ERBB4: variants seen among roughly 807,000 people sequenced by gnomAD.
ERBB4 encodes receptor tyrosine-protein kinase erbB-4.
Under a neutral mutation model 158.0 loss-of-function variants are expected in ERBB4, and 42 were observed. The observed-to-expected ratio is 0.27, with a 90% CI of 0.21 to 0.34. The LOEUF (loss-of-function observed/expected upper bound fraction) is 0.34. Among genes scored for constraint, ERBB4 ranks in the 10% least tolerant of loss-of-function variants. ERBB4 has a pLI of 1.00. For synonymous variants in ERBB4, 583 were observed against 558.7 expected, an observed-to-expected ratio of 1.04 and a Z score of -0.61; for missense variants, 1,333 against 1,624.1, an observed-to-expected ratio of 0.82 and a Z score of 3.08.
At chr2:211,716,603 G>A (rs758699813) in intron 7 of ERBB4, among the ~76,000 whole-genome samples, 1 of 151,968 alleles carries the variant, frequency 6.6e-6, no homozygotes, top group Non-Finnish European at 1.5e-5. Flanking sequence ...GTGAACCCGG[G>A]AGGCGGAGCT....
At chr2:211,703,681 C>G (rs2106043019) in intron 11 of ERBB4, among the ~76,000 whole-genome samples, 1 of 152,224 alleles carries the variant, frequency 6.6e-6, no homozygotes, top group East Asian at 1.9e-4. Flanking sequence ...GTTCCTAAAA[C>G]ATCAGCCCTG....
At chr2:211,452,544 C>T (rs781630515) in intron 20 of ERBB4, among the ~76,000 whole-genome samples, 1 of 152,128 alleles carries the variant, frequency 6.6e-6, no homozygotes, top group Non-Finnish European at 1.5e-5. Flanking sequence ...TATACTCTTT[C>T]AGTTATTACC....
chr2:211,618,324 A>G (rs1303669645), intron 19 of ERBB4, among the ~76,000 whole-genome samples: 2 of 152,084 alleles, frequency 1.3e-5, no homozygotes, highest in Non-Finnish European at 2.9e-5. Context: ...CTTAGGCAAC[A>G]TCTGGCCTGC....
At chr2:211,626,076 C>T (rs2069830939) in intron 17 of ERBB4, among the ~76,000 whole-genome samples, 1 of 152,116 alleles carries the variant, frequency 6.6e-6, no homozygotes, top group South Asian at 2.1e-4. Flanking sequence ...CCTTCCTAAA[C>T]CTTTATTTCT....
At chr2:211,502,566 A>T (rs759769801) in intron 20 of ERBB4, among the ~76,000 whole-genome samples, 9 of 152,142 alleles carry the variant, frequency 5.9e-5, no homozygotes, top group Non-Finnish European at 1.2e-4. Context: ...TACAGAGCTC[A>T]TATCTCCCTC....
rs117251372 is a variant in ERBB4 at position 212,344,721 on chromosome 2, G to T, written c.82+193728C>A. Reference sequence around the variant, plus strand: ...TATAACAATGCAGTTAAAATGTATTGCATCATTTAATTTATTGTCTCATGA... The same window carrying T: ...TATAACAATGCAGTTAAAATGTATTTCATCATTTAATTTATTGTCTCATGA... On this transcript the variant is annotated intron_variant, in intron 1 of 27. Coordinates refer to ENST00000342788, the MANE Select transcript of ERBB4 (RefSeq NM_005235.3). Among the ~76,000 whole-genome samples the T allele has an allele frequency of 2.5e-3, 384 of 152,168 alleles. 13 individuals are homozygous for T. The East Asian group carries it at 0.069, about 27-fold the overall frequency.
At chr2:212,230,075 A>G (rs1176560510) in intron 1 of ERBB4, among the ~76,000 whole-genome samples, 4 of 152,220 alleles carry the variant, frequency 2.6e-5, no homozygotes, top group African/African-American at 9.6e-5. Flanking sequence ...ACCTGAGGCC[A>G]GGAGTTCAAG....
At chr2:212,061,396 T>C (rs1350605906) in intron 2 of ERBB4, among the ~76,000 whole-genome samples, 1 of 128,896 alleles carries the variant, frequency 7.8e-6, no homozygotes, top group Non-Finnish European at 1.5e-5. Context: ...GAGGTTGCAG[T>C]GAGCCGCGAT....
intron 1 of ERBB4, among the ~76,000 whole-genome samples, chr2:212,249,143 A>G (rs2084426190): frequency 6.6e-6 from 1 of 152,112 alleles, no homozygotes; most frequent in African/African-American, 2.4e-5. Flanking sequence ...ATTGTTTGCG[A>G]TGAAGCATAG....
At chr2:212,243,199 CA>C (rs1180738258) in intron 1 of ERBB4, among the ~76,000 whole-genome samples, 2 of 151,678 alleles carry the variant, frequency 1.3e-5, no homozygotes, top group East Asian at 1.9e-4. Context: ...TTTTAATATT[CA>C]AAAAAAATTT....
intron 5 of ERBB4, among the ~76,000 whole-genome samples, chr2:211,729,067 C>G (rs1034154079): frequency 6.6e-6 from 1 of 151,600 alleles, no homozygotes; most frequent in Non-Finnish European, 1.5e-5. Flanking sequence ...TACTGTGGAA[C>G]TATTAAAATA....
intron 1 of ERBB4, among the ~76,000 whole-genome samples, chr2:212,390,273 C>T: frequency 6.6e-6 from 1 of 151,688 alleles, no homozygotes; most frequent in Non-Finnish European, 1.5e-5. Flanking sequence ...AGGGCAGGGA[C>T]TTCATTTATT....
intron 3 of ERBB4, among the ~76,000 whole-genome samples, chr2:211,919,516 A>C (rs924203667): frequency 5.3e-5 from 8 of 152,104 alleles, no homozygotes; most frequent in African/African-American, 1.9e-4. Flanking sequence ...GAAAAAGCAA[A>C]TAACCCTAGT....
rs73062307 is a variant in ERBB4 at position 212,407,190 on chromosome 2, T to G, written c.82+131259A>C. On this transcript the variant is annotated intron_variant, in intron 1 of 27. Transcript: ENST00000342788. Reference sequence around the variant, plus strand: ...ATCTATATGATATAACACATATAAATACATATATGTATGTATGTTGCCTTC... The same window carrying G: ...ATCTATATGATATAACACATATAAAGACATATATGTATGTATGTTGCCTTC... Among the ~76,000 whole-genome samples, 1,285 of 151,504 alleles carry G rather than the reference T, an allele frequency of 8.5e-3. 11 individuals are homozygous for G. The highest frequency in any genetic ancestry group is 0.028 in the African/African-American group (1,164 of 41,370).
chr2:211,842,515 A>C (rs1183503493), intron 3 of ERBB4, among the ~76,000 whole-genome samples: 1 of 151,874 alleles, frequency 6.6e-6, no homozygotes, highest in African/African-American at 2.4e-5. Context: ...ATTTCAATGT[A>C]CCTATATTGC....
At chr2:211,533,909 C>A (rs540080118) in intron 20 of ERBB4, among the ~76,000 whole-genome samples, 4 of 152,066 alleles carry the variant, frequency 2.6e-5, no homozygotes, top group Non-Finnish European at 5.9e-5. Flanking sequence ...TCTTCATGCT[C>A]ATGCTTACTG....
chr2:211,582,049 T>TG (rs2068122233), intron 19 of ERBB4, among the ~76,000 whole-genome samples: 1 of 152,114 alleles, frequency 6.6e-6, no homozygotes, highest in African/African-American at 2.4e-5. Context: ...TGGTCAATCT[T>TG]GCCCATTGCT....
intron 1 of ERBB4, among the ~76,000 whole-genome samples, chr2:212,451,244 TG>T (rs2092441638): frequency 6.6e-6 from 1 of 152,186 alleles, no homozygotes; most frequent in African/African-American, 2.4e-5. Flanking sequence ...TCTGTGAAGC[TG>T]GAGAGTATTT....
At chr2:211,917,900 C>T (rs1004595894) in intron 3 of ERBB4, among the ~76,000 whole-genome samples, 10 of 152,042 alleles carry the variant, frequency 6.6e-5, no homozygotes, top group South Asian at 4.1e-4. Context: ...CCCCTTATAT[C>T]GTAGAGGCAA....
Sources: allele counts gnomAD v4.1 joint callset (sites outside exome capture counted in the v4.1 genomes callset), GRCh38; gene constraint gnomAD v4.1.1; transcripts MANE v1.5; gene names NCBI Gene and HGNC (gene_info 2026-07-23, HGNC 2026-07-21).